Variants in MARCHF1 observed in about 807,000 individuals in gnomAD.
MARCHF1 encodes the protein membrane associated ring-CH-type finger 1.
In MARCHF1, 40 loss-of-function variants were observed where a neutral mutation model predicts 54.2. The observed-to-expected ratio is 0.74, with a 90% CI of 0.57 to 0.96. The LOEUF (loss-of-function observed/expected upper bound fraction) is 0.96. Ranked by LOEUF, MARCHF1 falls within the 40% of genes least tolerant of loss-of-function variation. The probability of loss-of-function intolerance (pLI) is 0.00; values close to 1 mark genes in which losing one functional copy is unlikely to be tolerated. For synonymous variants in MARCHF1, 236 were observed against 236.3 expected (o/e 1.00, Z 0.01); for missense variants, 586 against 656.5 (o/e 0.89, Z 1.17).
Position 164,211,331 on chromosome 4 carries a change from G to GTGTGTATATATATATATATA in MARCHF1, c.-322-99670_-322-99669insTATATATATATATATACACA, listed in dbSNP as rs763172261. On this transcript the variant is annotated intron_variant, in intron 1 of 9. Coordinates refer to ENST00000514618, the MANE Select transcript of MARCHF1 (RefSeq NM_001394959.1). ...AACCTGCATATGTGTATGTATGTAT[G>GTGTGTATATATATATATATA]TATATATATATATATATATATATAC... Among the ~76,000 whole-genome samples, 8 of 115,982 alleles carry GTGTGTATATATATATATATA rather than the reference G, an allele frequency of 6.9e-5. No individual in the cohort carries two copies. The East Asian group carries it at 1.7e-3, about 25-fold the overall frequency. The allele number at this position is 115,982 out of a possible 152,430, so 76.1% of individuals were successfully genotyped here. A position where few individuals can be genotyped will look rare whatever the true frequency, so the allele number is the denominator to read the frequency against.
intron 1 of MARCHF1, among the ~76,000 whole-genome samples, chr4:164,333,644 G>A (rs377264149): frequency 9.9e-5 from 15 of 152,098 alleles, no homozygotes; most frequent in East Asian, 1.9e-4. Context: ...CCTATTTCCC[G>A]AGCCACAACA....
intron 4 of MARCHF1, among the ~76,000 whole-genome samples, chr4:163,848,171 A>G (rs1187806507): frequency 1.3e-5 from 2 of 152,160 alleles, no homozygotes; most frequent in African/African-American, 4.8e-5. Context: ...ATGTATGAGT[A>G]TTACATACTT....
intron 2 of MARCHF1, among the ~76,000 whole-genome samples, chr4:164,040,695 G>C (rs1471384699): frequency 6.6e-6 from 1 of 151,802 alleles, no homozygotes; most frequent in Non-Finnish European, 1.5e-5. Flanking sequence ...ATGTTTTCCT[G>C]TTTCCTCCTT....
chr4:163,879,484 T>A (rs967124017), intron 3 of MARCHF1, among the ~76,000 whole-genome samples: 6 of 152,182 alleles, frequency 3.9e-5, no homozygotes, highest in Non-Finnish European at 7.3e-5. Context: ...TATGTACTAA[T>A]CTGGAAAGGT....
At chr4:164,240,482 G>T (rs989177497) in intron 1 of MARCHF1, among the ~76,000 whole-genome samples, 17 of 152,014 alleles carry the variant, frequency 1.1e-4, no homozygotes, top group Middle Eastern at 3.2e-3. Flanking sequence ...CTCCCAGATT[G>T]TTACTCCCAC....
At chr4:163,618,283 A>G (rs907651972) in intron 5 of MARCHF1, among the ~76,000 whole-genome samples, 1 of 152,056 alleles carries the variant, frequency 6.6e-6, no homozygotes, top group African/African-American at 2.4e-5. Flanking sequence ...TCTCTGCCCC[A>G]GGTCTTTCAT....
At chr4:163,616,731 A>T (rs2110944377) in intron 5 of MARCHF1, among the ~76,000 whole-genome samples, 1 of 152,194 alleles carries the variant, frequency 6.6e-6, no homozygotes, top group East Asian at 1.9e-4. Context: ...ACACACACAC[A>T]CACACAAAAG....
At chr4:164,209,989 C>A (rs1313726156) in intron 1 of MARCHF1, among the ~76,000 whole-genome samples, 1 of 152,126 alleles carries the variant, frequency 6.6e-6, no homozygotes, top group African/African-American at 2.4e-5. Flanking sequence ...AACATCTTGG[C>A]TAGGCAGTTA....
At chr4:163,965,494 G>T (rs1478048782) in intron 3 of MARCHF1, among the ~76,000 whole-genome samples, 1 of 152,036 alleles carries the variant, frequency 6.6e-6, no homozygotes, top group African/African-American at 2.4e-5. Flanking sequence ...GCAGTTCAGA[G>T]TCTGGGTTCC....
chr4:163,767,411 G>C (rs1354997722), intron 4 of MARCHF1, among the ~76,000 whole-genome samples: 1 of 150,630 alleles, frequency 6.6e-6, no homozygotes, highest in Admixed American at 6.7e-5. Context: ...TCGGCTCACC[G>C]CAAGCTCCCC....
chr4:164,287,141 G>A (rs1394712586), intron 1 of MARCHF1, among the ~76,000 whole-genome samples: 1 of 147,938 alleles, frequency 6.8e-6, no homozygotes, highest in Non-Finnish European at 1.5e-5. Flanking sequence ...TATAACTATA[G>A]AATTTTATGT....
chr4:164,123,902 G>T (rs1400157982), intron 1 of MARCHF1, among the ~76,000 whole-genome samples: 1 of 151,958 alleles, frequency 6.6e-6, no homozygotes, highest in African/African-American at 2.4e-5. Flanking sequence ...TGGACAAATG[G>T]GGTCACATCA....
chr4:163,571,106 C>T (rs2110754483), intron 8 of MARCHF1, among the ~76,000 whole-genome samples: 1 of 152,194 alleles, frequency 6.6e-6, no homozygotes, highest in East Asian at 1.9e-4. Flanking sequence ...TTAAATTGTT[C>T]CCCTAATGGA....
intron 4 of MARCHF1, among the ~76,000 whole-genome samples, chr4:163,793,094 T>C (rs982507321): frequency 1.3e-5 from 2 of 152,212 alleles, no homozygotes; most frequent in Non-Finnish European, 2.9e-5. Context: ...TCTCTCCCTA[T>C]CTATACACAC....
At chr4:163,595,862 T>A (rs548579702) in intron 7 of MARCHF1, among the ~76,000 whole-genome samples, 1 of 152,176 alleles carries the variant, frequency 6.6e-6, no homozygotes, top group African/African-American at 2.4e-5. Context: ...TAACAGTAAA[T>A]ACTGTACTCC....
intron 1 of MARCHF1, among the ~76,000 whole-genome samples, chr4:164,145,299 G>T (rs1461848810): frequency 6.6e-6 from 1 of 152,020 alleles, no homozygotes; most frequent in Admixed American, 6.6e-5. Context: ...AGAAAAAGAG[G>T]GAATCCTCCC....
chr4:163,609,159 A>G (rs1741240389), intron 7 of MARCHF1, among the ~76,000 whole-genome samples: 1 of 151,926 alleles, frequency 6.6e-6, no homozygotes, highest in African/African-American at 2.4e-5. Flanking sequence ...AAAACTATAC[A>G]CGCCCAACTG....
Position 163,711,272 on chromosome 4 carries a change from A to G in MARCHF1, c.112-10409T>C, listed in dbSNP as rs114507821. Among the ~76,000 whole-genome samples the G allele has an allele frequency of 7.7e-3, 1,170 of 152,268 alleles. 9 individuals carry two copies. The highest frequency in any genetic ancestry group is 0.017 in the African/African-American group (701 of 41,554). ...ATTAATTAATTGACTGTTCCTTCCT[A>G]TAAGTGCTTAACATTCCACTGAGTT... On this transcript the variant is annotated intron_variant, in intron 4 of 9. Coordinates refer to ENST00000514618, the MANE Select transcript of MARCHF1 (RefSeq NM_001394959.1).
chr4:163,593,306 T>A (rs1198432845), intron 7 of MARCHF1, among the ~76,000 whole-genome samples: 3 of 152,218 alleles, frequency 2.0e-5, no homozygotes, highest in Non-Finnish European at 4.4e-5. Flanking sequence ...GAGATATTTC[T>A]AAGCAAATGT....
Sources: allele counts gnomAD v4.1 joint callset (sites outside exome capture counted in the v4.1 genomes callset), GRCh38; gene constraint gnomAD v4.1.1; transcripts MANE v1.5; gene names NCBI Gene and HGNC (gene_info 2026-07-23, HGNC 2026-07-21).